The following DMXL1 variants were observed in gnomAD, a reference collection of about 807,000 sequenced individuals.
The protein encoded by DMXL1 is Dmx like 1, also known as dmX-like protein 1.
In DMXL1, 99 loss-of-function variants were observed where a neutral mutation model predicts 319.2. That is an observed-to-expected ratio of 0.31 (90% CI 0.26 to 0.37). The LOEUF (loss-of-function observed/expected upper bound fraction) is 0.37. Ranked by LOEUF, DMXL1 falls within the 10% of genes least tolerant of loss-of-function variation. The pLI is 1.00. For synonymous variants in DMXL1, 1,385 were observed against 1,235.2 expected (o/e 1.12, Z -2.54); for missense variants, 3,745 against 3,595.6 (o/e 1.04, Z -1.06).
At chr5:119,204,098 A>G (rs1039535874) in intron 33 of DMXL1, among the ~76,000 whole-genome samples, 1 of 152,140 alleles carries the variant, frequency 6.6e-6, no homozygotes, top group Non-Finnish European at 1.5e-5. Context: ...CTAGGATTAC[A>G]GGTGTGAACC....
intron 28 of DMXL1, among the ~76,000 whole-genome samples, chr5:119,181,438 T>C (rs1196997826): frequency 6.6e-6 from 1 of 151,882 alleles, no homozygotes; most frequent in Admixed American, 6.6e-5. Context: ...ATGGTACGAT[T>C]TGTCCATTTG....
intron 29 of DMXL1, among the ~76,000 whole-genome samples, chr5:119,192,206 G>A (rs1407372131): frequency 6.6e-6 from 1 of 152,128 alleles, no homozygotes; most frequent in East Asian, 1.9e-4. Context: ...TAAAGTTACA[G>A]ATCAATTACA....
chr5:119,211,270 G>C (rs1187729950), intron 34 of DMXL1, among the ~76,000 whole-genome samples: 1 of 152,092 alleles, frequency 6.6e-6, no homozygotes, highest in Non-Finnish European at 1.5e-5. Flanking sequence ...TAGACTCTTA[G>C]AATGAATTGA....
intron 3 of DMXL1, among the ~76,000 whole-genome samples, chr5:119,103,562 A>G (rs754709452): frequency 3.9e-5 from 6 of 152,180 alleles, no homozygotes; most frequent in African/African-American, 1.4e-4. Context: ...ACCTTGTGTT[A>G]ATGAAAACTA....
intron 1 of DMXL1, among the ~76,000 whole-genome samples, chr5:119,075,215 A>G (rs1165209992): frequency 6.6e-6 from 1 of 150,826 alleles, no homozygotes; most frequent in Non-Finnish European, 1.5e-5. Context: ...TCCAAATAAA[A>G]TATTCCTGTT....
intron 1 of DMXL1, among the ~76,000 whole-genome samples, chr5:119,089,263 C>CATATATAT (rs577898951): frequency 3.2e-4 from 26 of 80,892 alleles, no homozygotes; most frequent in African/African-American, 8.0e-4. Context: ...ATTATATATG[C>CATATATAT]ATATATATAT....
intron 33 of DMXL1, among the ~76,000 whole-genome samples, 200 bp downstream of exon 33, chr5:119,203,636 G>T (rs1781226540): frequency 1.3e-5 from 2 of 151,916 alleles, no homozygotes; most frequent in African/African-American, 4.8e-5. Flanking sequence ...ATGTATTTGG[G>T]ACTTTTTTCT....
chr5:119,193,976 G>T lies in DMXL1; in HGVS notation c.7457+6G>T, dbSNP rs1466845128. Reference sequence around the variant, plus strand: ...TCTAATTCAAATTCATATAGGTATGGTATATTTTATTTTAAATTTCTTTTT... The same window carrying T: ...TCTAATTCAAATTCATATAGGTATGTTATATTTTATTTTAAATTTCTTTTT... On this transcript the variant is annotated splice_donor_region_variant and intron_variant, in intron 30 of 43. Coordinates refer to ENST00000539542, the MANE Select transcript of DMXL1 (RefSeq NM_001290321.3). 1.3e-6 allele frequency: 2 copies of T among 1,513,732 alleles called. No homozygotes were observed. The highest frequency in any genetic ancestry group is 1.8e-6 in the Non-Finnish European group (2 of 1,128,224). The allele number at this position is 1,513,732 out of a possible 1,614,324, so 93.8% of individuals were successfully genotyped here. A position where few individuals can be genotyped will look rare whatever the true frequency, so the allele number is the denominator to read the frequency against.
In DMXL1 at chr5:119,071,285, G is replaced by T. The variant is rs1489451597; in HGVS notation, c.-285G>T. 1.4e-5 allele frequency: 6 copies of T among 431,904 alleles called. No individual in the cohort carries two copies. The Admixed American group carries it at 2.6e-4, about 19-fold the overall frequency. The allele number at this position is 431,904 out of a possible 1,614,324, so 26.8% of individuals were successfully genotyped here. A position where few individuals can be genotyped will look rare whatever the true frequency, so the allele number is the denominator to read the frequency against. ...GAGTCGGCCCCGGGTCGTGGCCGGT[G>T]AGGGGACCCTGAGCTTCACCTGGGC... On this transcript the variant is annotated 5_prime_UTR_variant, in exon 1 of 44. Transcript: ENST00000539542.
At chr5:119,075,475 A>G (rs369080336) in intron 1 of DMXL1, among the ~76,000 whole-genome samples, 1 of 151,584 alleles carries the variant, frequency 6.6e-6, no homozygotes, top group South Asian at 2.1e-4. Flanking sequence ...CTCACCTCAA[A>G]TGATCCGCCC....
intron 19 of DMXL1, among the ~76,000 whole-genome samples, chr5:119,155,470 C>T (rs756472823): frequency 7.9e-5 from 12 of 152,062 alleles, no homozygotes; most frequent in African/African-American, 1.7e-4. Context: ...ATTGCAGATA[C>T]GGTAGAAATA....
At chr5:119,111,531 G>A (rs1759595952) in intron 5 of DMXL1, among the ~76,000 whole-genome samples, 1 of 152,016 alleles carries the variant, frequency 6.6e-6, no homozygotes, top group Admixed American at 6.6e-5. Context: ...ATGTTATATT[G>A]CTGTTCGACA....
chr5:119,184,607 T>C (rs1044666898), intron 28 of DMXL1, among the ~76,000 whole-genome samples: 1 of 152,228 alleles, frequency 6.6e-6, no homozygotes, highest in Non-Finnish European at 1.5e-5. Flanking sequence ...AACTTTTTCA[T>C]CTTGCAAATC....
intron 9 of DMXL1, among the ~76,000 whole-genome samples, chr5:119,127,568 A>T (rs2150011284): frequency 6.6e-6 from 1 of 152,198 alleles, no homozygotes; most frequent in South Asian, 2.1e-4. Context: ...CCTCCCAAGT[A>T]ATTGGGATTA....
Position 119,116,200 on chromosome 5 carries a change from C to T in DMXL1, c.607C>T (p.Arg203Trp), listed in dbSNP as rs376240456. The T allele has an allele frequency of 1.5e-5, 24 of 1,613,088 alleles. No homozygotes were observed. Among genetic ancestry groups the T allele is most frequent in the East Asian group, 2.2e-5 (1 of 44,852 alleles). ...GGTTTGGTATAATGTAGAAAACTGG[C>T]GGACAGCTGTTACTTCTCCAGATGG... ...LKVWYNVENW[R>W]TAVTSPDGSS... is the part of the protein sequence containing the mutation. Residue 203 changes from arginine to tryptophan, a missense_variant, in exon 7 of 44, where the codon CGG becomes TGG. By Grantham distance (101) the Arg-to-Trp change is moderately radical. Coordinates refer to ENST00000539542, the MANE Select transcript of DMXL1 (RefSeq NM_001290321.3).
chr5:119,213,092 A>G (rs1400662071), intron 34 of DMXL1, among the ~76,000 whole-genome samples: 2 of 152,228 alleles, frequency 1.3e-5, no homozygotes, highest in Non-Finnish European at 2.9e-5. Context: ...ATCCAAAATT[A>G]ATATAAAACT....
chr5:119,214,038 T>C (rs779662869), intron 34 of DMXL1, among the ~76,000 whole-genome samples: 8 of 152,148 alleles, frequency 5.3e-5, no homozygotes, highest in African/African-American at 1.2e-4. Flanking sequence ...TTCCTGTCTT[T>C]ACTCTCTCCT....
intron 31 of DMXL1, among the ~76,000 whole-genome samples, chr5:119,197,452 C>T (rs1284345808): frequency 1.3e-5 from 2 of 152,074 alleles, no homozygotes; most frequent in Non-Finnish European, 2.9e-5. Context: ...TGATTTAAAG[C>T]GATTAATTTT....
At position 119,170,502 on chromosome 5, in the gene DMXL1, G is replaced by C. The variant is rs537903924; in HGVS notation, c.5711G>C (p.Cys1904Ser). The C allele has an allele frequency of 1.2e-6, 2 of 1,613,754 alleles. No homozygotes were observed. The highest frequency in any genetic ancestry group is 1.3e-5 in the African/African-American group (1 of 74,974). Reference sequence around the variant, plus strand: ...AGTTTTCTGGATACTAGTAAAGACTGTTCTCCTTCTTCTCCATTAAAGTTG... The same window carrying C: ...AGTTTTCTGGATACTAGTAAAGACTCTTCTCCTTCTTCTCCATTAAAGTTG... The part of the protein sequence containing the change: ...ASSFLDTSKD[C>S]SPSSPLKLDA... Residue 1904 changes from cysteine (C) to serine (S), a missense_variant, in exon 24 of 44, where the codon TGT becomes TCT. Around this residue, in one of 4 missense-constraint regions of DMXL1, gnomAD observed 1,382 missense variants for 1,269.5 expected, o/e 1.09. Transcript: ENST00000539542.
Sources: gnomAD v4.1 joint callset for allele counts (sites outside exome capture counted in the v4.1 genomes callset) on GRCh38, gnomAD v4.1.1 for gene constraint, gnomAD v4.1.1 regional missense constraint, MANE v1.5 for transcripts, NCBI Gene and HGNC (gene_info 2026-07-23, HGNC 2026-07-21) for gene names.